The following PRKN variants were observed in gnomAD, a reference collection of about 807,000 sequenced individuals.
PRKN encodes parkin RBR E3 ubiquitin protein ligase, also known as E3 ubiquitin-protein ligase parkin.
PRKN carries 56 observed loss-of-function variants against 59.5 expected under a neutral mutation model. The observed-to-expected ratio is 0.94, with a 90% CI of 0.76 to 1.18. The LOEUF (loss-of-function observed/expected upper bound fraction) is 1.18. Ranked by LOEUF, PRKN falls within the 50% of genes most tolerant of loss-of-function variation. The pLI is 0.00. For synonymous variants in PRKN, 250 were observed against 222.1 expected (o/e 1.13, Z -1.12); for missense variants, 657 against 596.4 (o/e 1.10, Z -1.06).
At position 162,524,181 on chromosome 6, in the gene PRKN, G is replaced by C. The variant is rs533941622; in HGVS notation, c.8-80708C>G. Among the ~76,000 whole-genome samples, 3 of 152,224 alleles carry C rather than the reference G, an allele frequency of 2.0e-5. No homozygotes were observed. In the South Asian group the frequency reaches 6.2e-4, roughly 32 times the overall value. On this transcript the variant is annotated intron_variant, in intron 1 of 11. Transcript: ENST00000366898. ...TAAAAATCTTTTAGCCCTAAAATTTGATTTTCTGTGTAGGAGCTATTGTAA... is the reference window on the plus strand; with the variant it reads ...TAAAAATCTTTTAGCCCTAAAATTTCATTTTCTGTGTAGGAGCTATTGTAA...
intron 7 of PRKN, among the ~76,000 whole-genome samples, chr6:161,610,006 T>G (rs1466541191): frequency 6.6e-6 from 1 of 152,150 alleles, no homozygotes; most frequent in East Asian, 1.9e-4. Context: ...ATTCACAAAA[T>G]AAGCAAAAAA....
chr6:161,735,129 C>T (rs1169006447), intron 7 of PRKN, among the ~76,000 whole-genome samples: 1 of 151,778 alleles, frequency 6.6e-6, no homozygotes, highest in East Asian at 1.9e-4. Context: ...GAGGGTGGAT[C>T]ACAAGGTCAA....
intron 7 of PRKN, among the ~76,000 whole-genome samples, chr6:161,589,948 T>A (rs955948888): frequency 1.2e-4 from 18 of 146,488 alleles, no homozygotes; most frequent in Non-Finnish European, 1.4e-4. Context: ...CGCAGCTAAT[T>A]TTTTTTTTTT....
intron 6 of PRKN, among the ~76,000 whole-genome samples, chr6:161,961,613 T>G (rs1411263187): frequency 2.6e-5 from 4 of 152,144 alleles, no homozygotes; most frequent in African/African-American, 7.2e-5. Context: ...ACTAGCCCGG[T>G]TCCGTCACAC....
chr6:162,441,057 G>A (rs571216737), intron 2 of PRKN, among the ~76,000 whole-genome samples: 1 of 152,098 alleles, frequency 6.6e-6, no homozygotes, highest in Admixed American at 6.5e-5. Flanking sequence ...TTTAATAGAA[G>A]TTCCATAAGT....
At chr6:161,449,193 A>G (rs917747846) in intron 9 of PRKN, among the ~76,000 whole-genome samples, 21 of 152,318 alleles carry the variant, frequency 1.4e-4, no homozygotes, top group Admixed American at 7.2e-4. Context: ...AATTCTGCCA[A>G]TATAAAATAG....
chr6:162,308,104 G>A (rs567372302), intron 2 of PRKN, among the ~76,000 whole-genome samples: 4 of 152,220 alleles, frequency 2.6e-5, no homozygotes, highest in South Asian at 4.2e-4. Flanking sequence ...CTTCTTCACC[G>A]TCACTGCTAC....
At chr6:162,525,612 C>T (rs962510221) in intron 1 of PRKN, among the ~76,000 whole-genome samples, 1 of 152,180 alleles carries the variant, frequency 6.6e-6, no homozygotes, top group South Asian at 2.1e-4. Context: ...TATTTAACGA[C>T]TGTGTGTTCT....
intron 8 of PRKN, among the ~76,000 whole-genome samples, chr6:161,563,614 TG>T (rs1404386187): frequency 2.0e-5 from 3 of 152,184 alleles, no homozygotes; most frequent in Non-Finnish European, 4.4e-5. Context: ...CTAATATAAA[TG>T]TATTATTTTA....
At chr6:162,352,459 G>A (rs904159255) in intron 2 of PRKN, among the ~76,000 whole-genome samples, 3 of 152,052 alleles carry the variant, frequency 2.0e-5, no homozygotes, top group South Asian at 2.1e-4. Flanking sequence ...AATCCAAAGC[G>A]CTGTTTTAGA....
intron 6 of PRKN, among the ~76,000 whole-genome samples, chr6:161,807,095 A>G (rs999033259): frequency 1.7e-4 from 26 of 152,204 alleles, no homozygotes; most frequent in Admixed American, 1.2e-3. Flanking sequence ...TGTTTTTCTC[A>G]GTACAATTTT....
intron 1 of PRKN, among the ~76,000 whole-genome samples, chr6:162,457,024 G>A (rs1424320943): frequency 3.3e-5 from 5 of 152,126 alleles, no homozygotes; most frequent in East Asian, 1.9e-4. Context: ...TTTGCAGTAC[G>A]AAAGTTGAAA....
chr6:162,229,719 A>G (rs891078151), intron 3 of PRKN, among the ~76,000 whole-genome samples: 7 of 152,092 alleles, frequency 4.6e-5, no homozygotes, highest in African/African-American at 1.7e-4. Flanking sequence ...GTTCCTCTCA[A>G]CATTGCACAG....
At chr6:162,442,376 G>A (rs1790098930) in intron 2 of PRKN, among the ~76,000 whole-genome samples, 1 of 152,188 alleles carries the variant, frequency 6.6e-6, no homozygotes, top group African/African-American at 2.4e-5. Flanking sequence ...ACATACATCT[G>A]CAGGGTCCTT....
chr6:162,262,830 T>C (rs1479177492), intron 2 of PRKN, 65 bp from the exon 3 acceptor site: 5 of 1,575,710 alleles, frequency 3.2e-6, no homozygotes, highest in South Asian at 1.1e-5. Context: ...AAATGCGAGA[T>C]AGAGTTTAAC....
At chr6:162,262,234 G>C (rs929239552) in intron 3 of PRKN, among the ~76,000 whole-genome samples, 1 of 152,092 alleles carries the variant, frequency 6.6e-6, no homozygotes, top group Non-Finnish European at 1.5e-5. Flanking sequence ...CAAATGGCTC[G>C]ATTAGCTTTA....
At chr6:161,850,623 GT>G (rs1175167776) in intron 6 of PRKN, among the ~76,000 whole-genome samples, 1 of 145,726 alleles carries the variant, frequency 6.9e-6, no homozygotes, top group East Asian at 2.1e-4. Context: ...ATATCTAAAA[GT>G]TTTTTTCTTG....
At chr6:161,894,184 C>T (rs1363560595) in intron 6 of PRKN, among the ~76,000 whole-genome samples, 1 of 152,164 alleles carries the variant, frequency 6.6e-6, no homozygotes, top group Admixed American at 6.5e-5. Context: ...CTTCGACCTA[C>T]CAACCCCACC....
At chr6:162,160,890 C>CAAAAAAAAAAAAAAAAAAAAAAAAAA (rs56320816) in intron 4 of PRKN, among the ~76,000 whole-genome samples, 2 of 80,264 alleles carry the variant, frequency 2.5e-5, no homozygotes, top group Non-Finnish European at 2.2e-5. Context: ...GACTCCGTCT[C>CAAAAAAAAAAAAAAAAAAAAAAAAAA]AAAAAAAAAA....
Sources: gnomAD v4.1 joint callset for allele counts (sites outside exome capture counted in the v4.1 genomes callset) on GRCh38, gnomAD v4.1.1 for gene constraint, MANE v1.5 for transcripts, NCBI Gene and HGNC (gene_info 2026-07-23, HGNC 2026-07-21) for gene names.